DNER: variants seen among roughly 807,000 people sequenced by gnomAD.
DNER encodes delta and Notch-like epidermal growth factor-related receptor.
DNER carries 33 observed loss-of-function variants against 78.2 expected under a neutral mutation model. That is an observed-to-expected ratio of 0.42 (90% CI 0.32 to 0.56). The LOEUF is 0.56. Among genes scored for constraint, DNER ranks in the 20% least tolerant of loss-of-function variants. DNER has a pLI of 0.11. For missense variants in DNER, 918 were observed against 975.3 expected (o/e 0.94, Z 0.78); for synonymous variants, 417 against 384.8 (o/e 1.08, Z -0.98).
intron 1 of DNER, among the ~76,000 whole-genome samples, chr2:229,630,393 T>A (rs1281981925): frequency 6.6e-6 from 1 of 151,776 alleles, no homozygotes; most frequent in African/African-American, 2.4e-5. Context: ...GGAGAATTGC[T>A]TGAACCCGGA....
At chr2:229,668,536 GTATATATA>G (rs1163016191) in intron 1 of DNER, among the ~76,000 whole-genome samples, 27 of 7,044 alleles carry the variant, frequency 3.8e-3, no homozygotes, top group Non-Finnish European at 8.0e-3. Flanking sequence ...GTGTGTGTGT[GTATATATA>G]TATATATATA....
intron 7 of DNER, among the ~76,000 whole-genome samples, chr2:229,472,999 A>T (rs1694955611): frequency 6.6e-6 from 1 of 152,236 alleles, no homozygotes; most frequent in Admixed American, 6.5e-5. Context: ...AGCAGGAGTC[A>T]CAGAGACAGT....
chr2:229,587,703 C>T, intron 3 of DNER, among the ~76,000 whole-genome samples: 1 of 152,238 alleles, frequency 6.6e-6, no homozygotes, highest in Non-Finnish European at 1.5e-5. Flanking sequence ...AAAGGATGGG[C>T]AGTGGGGGGT....
At chr2:229,558,673 G>A in intron 4 of DNER, among the ~76,000 whole-genome samples, 1 of 152,178 alleles carries the variant, frequency 6.6e-6, no homozygotes, top group East Asian at 1.9e-4. Context: ...GCTGCAGGAT[G>A]GGGTGGGAGG....
chr2:229,479,585 C>T (rs934299390), intron 6 of DNER, among the ~76,000 whole-genome samples: 5 of 151,946 alleles, frequency 3.3e-5, no homozygotes, highest in South Asian at 4.2e-4. Flanking sequence ...TGGTGGCATA[C>T]GCCTGAAATC....
intron 1 of DNER, among the ~76,000 whole-genome samples, chr2:229,674,833 GC>G (rs1363820203): frequency 6.6e-6 from 1 of 152,186 alleles, no homozygotes. Flanking sequence ...CTGAAGGAGA[GC>G]CTGTTTCCAA....
At chr2:229,393,504 C>A (rs1164264559) in intron 10 of DNER, among the ~76,000 whole-genome samples, 1 of 151,762 alleles carries the variant, frequency 6.6e-6, no homozygotes, top group Non-Finnish European at 1.5e-5. Context: ...GAAAACAGAA[C>A]AATAGAAGCT....
At chr2:229,431,841 C>T (rs1374385582) in intron 8 of DNER, among the ~76,000 whole-genome samples, 2 of 151,510 alleles carry the variant, frequency 1.3e-5, no homozygotes, top group East Asian at 1.9e-4. Flanking sequence ...ATAGATGGCA[C>T]AGAGGGATGC....
chr2:229,511,199 C>T (rs1449524849), intron 6 of DNER, among the ~76,000 whole-genome samples: 2 of 152,162 alleles, frequency 1.3e-5, no homozygotes, highest in African/African-American at 2.4e-5. Context: ...CAACTCCTAC[C>T]TTATCCTGAA....
chr2:229,558,581 T>C (rs16826186), intron 4 of DNER, among the ~76,000 whole-genome samples: 2 of 152,186 alleles, frequency 1.3e-5, no homozygotes, highest in Non-Finnish European at 2.9e-5. Context: ...ACTGTATATA[T>C]TCTAAGTCTG....
At chr2:229,669,655 A>C (rs529607761) in intron 1 of DNER, among the ~76,000 whole-genome samples, 3 of 151,738 alleles carry the variant, frequency 2.0e-5, no homozygotes, top group Admixed American at 6.6e-5. Context: ...ATTCCTAGGT[A>C]TTTTATTCTT....
chr2:229,710,714 T>C (rs765531908), intron 1 of DNER, among the ~76,000 whole-genome samples: 4 of 152,222 alleles, frequency 2.6e-5, no homozygotes, highest in South Asian at 2.1e-4. Flanking sequence ...AATGTGACCT[T>C]GGATTAGTCA....
chr2:229,499,926 T>C (rs970303087), intron 6 of DNER, among the ~76,000 whole-genome samples: 2 of 72,548 alleles, frequency 2.8e-5, no homozygotes, highest in East Asian at 2.7e-4. Flanking sequence ...GAATAGACTT[T>C]CTTTCTTTTT....
intron 12 of DNER, among the ~76,000 whole-genome samples, chr2:229,366,497 G>A (rs12464994): frequency 0.11 from 17,474 of 152,060 alleles, 1,767 homozygotes; most frequent in East Asian, 0.52. Flanking sequence ...AGGCCCTTAC[G>A]TCAAATGAAA....
intron 1 of DNER, among the ~76,000 whole-genome samples, chr2:229,707,711 A>T (rs1699851795): frequency 1.3e-5 from 2 of 152,252 alleles, no homozygotes; most frequent in Non-Finnish European, 2.9e-5. Flanking sequence ...TAAGATGCAC[A>T]TGGTGATTAT....
At chr2:229,660,970 A>T (rs1291238902) in intron 1 of DNER, among the ~76,000 whole-genome samples, 1 of 152,212 alleles carries the variant, frequency 6.6e-6, no homozygotes, top group Non-Finnish European at 1.5e-5. Context: ...ATTAAGAATG[A>T]GCTAGAGTAA....
chr2:229,417,604 G>GC (rs1403180303), intron 9 of DNER, among the ~76,000 whole-genome samples: 1 of 151,994 alleles, frequency 6.6e-6, no homozygotes, highest in East Asian at 1.9e-4. Flanking sequence ...AGTGAGCTAT[G>GC]CACATTAGGG....
chr2:229,606,489 T>TA (rs1435931908), intron 1 of DNER, among the ~76,000 whole-genome samples: 7 of 88,792 alleles, frequency 7.9e-5, no homozygotes, highest in Non-Finnish European at 1.5e-4. Flanking sequence ...AGTCTTTGGA[T>TA]TAAAAAAAAA....
intron 1 of DNER, among the ~76,000 whole-genome samples, chr2:229,703,789 AT>A (rs1287367517): frequency 6.6e-6 from 1 of 152,082 alleles, no homozygotes; most frequent in Non-Finnish European, 1.5e-5. Flanking sequence ...AGGTGGGAGG[AT>A]TGCTTGAGCC....
Sources: allele counts gnomAD v4.1 joint callset (sites outside exome capture counted in the v4.1 genomes callset), GRCh38; gene constraint gnomAD v4.1.1; transcripts MANE v1.5; gene names NCBI Gene and HGNC (gene_info 2026-07-23, HGNC 2026-07-21).